Variants in ALMS1 observed in about 807,000 individuals in gnomAD.
ALMS1 encodes ALMS1 centrosome and basal body associated protein, also known as centrosome-associated protein ALMS1.
Under a neutral mutation model 352.2 loss-of-function variants are expected in ALMS1, and 271 were observed. The observed-to-expected ratio is 0.77, with a 90% CI of 0.70 to 0.85. ALMS1 has a LOEUF of 0.85. ALMS1 is among the 40% of genes least tolerant of loss of function. The pLI is 0.00. For synonymous variants in ALMS1, 1,865 were observed against 1,761.2 expected (o/e 1.06, Z -1.48); for missense variants, 5,445 against 4,870.7 (o/e 1.12, Z -3.51).
chr2:73,460,781 A>G (rs138975989), intron 9 of ALMS1, among the ~76,000 whole-genome samples: 2,076 of 152,354 alleles, frequency 0.014, 36 homozygotes, highest in Non-Finnish European at 0.019. Context: ...ACGGCACACC[A>G]GGAGATTATA....
At chr2:73,520,125 G>T in intron 11 of ALMS1, 109 bp downstream of exon 11, 1 of 1,372,872 alleles carries the variant, frequency 7.3e-7, no homozygotes, top group Non-Finnish European at 1.0e-6. Context: ...TTTAATTTAA[G>T]AATTAGGGTC....
chr2:73,419,404 T>C, intron 3 of ALMS1, 86 bp downstream of exon 3: 1 of 1,323,654 alleles, frequency 7.6e-7, no homozygotes, highest in Middle Eastern at 1.8e-4. Context: ...TTCCCCTTTT[T>C]GAGTTAAGGA....
At chr2:73,503,000 G>T (rs76550830) in intron 10 of ALMS1, among the ~76,000 whole-genome samples, 2,463 of 152,050 alleles carry the variant, frequency 0.016, 68 homozygotes, top group African/African-American at 0.056. Context: ...TTCTCCTATA[G>T]GACCACAATA....
At chr2:73,494,470 C>T (rs1410244606) in intron 10 of ALMS1, among the ~76,000 whole-genome samples, 1 of 152,098 alleles carries the variant, frequency 6.6e-6, no homozygotes, top group Admixed American at 6.6e-5. Flanking sequence ...TTGATTTCAC[C>T]AGGTTTTTCC....
intron 10 of ALMS1, among the ~76,000 whole-genome samples, chr2:73,499,301 G>A (rs1283471531): frequency 6.6e-6 from 1 of 152,120 alleles, no homozygotes; most frequent in Non-Finnish European, 1.5e-5. Context: ...TCTGTAGGTT[G>A]TCTTCTTCAC....
At position 73,448,481 on chromosome 2, in the gene ALMS1, C is replaced by G; in HGVS notation, c.1954C>G (p.Pro652Ala). ...AGAGCCTTTGGAAGTTTCAGCTGCT[C>G]CTGGCCCAGTGGAGCAGAAGACGGG... ...TEEPLEVSAAPGPVEQKTGIP... is the reference protein window; with the variant it reads ...TEEPLEVSAAAGPVEQKTGIP... The change falls in exon 8 of 23, where the codon CCT (proline) becomes GCT (alanine). Residue 652 changes from proline to alanine, a missense_variant. Coordinates refer to ENST00000613296, the MANE Select transcript of ALMS1 (RefSeq NM_001378454.1). 3 of 1,613,616 alleles carry G rather than the reference C, an allele frequency of 1.9e-6. No individual in the cohort carries two copies. The highest frequency in any genetic ancestry group is 2.5e-6 in the Non-Finnish European group (3 of 1,179,864).
chr2:73,557,385 T>G (rs888423837), intron 14 of ALMS1, 31 bp downstream of exon 14: 25 of 1,613,576 alleles, frequency 1.5e-5, no homozygotes, highest in Non-Finnish European at 2.0e-5. Context: ...GCGTATTATT[T>G]TCTTCTGGTC....
In ALMS1 at chr2:73,451,545, T is replaced by A; in HGVS notation, c.5018T>A (p.Ile1673Asn). The A allele has an allele frequency of 6.2e-7, 1 of 1,613,970 alleles. No homozygotes were observed. The highest frequency in any genetic ancestry group is 8.5e-7 in the Non-Finnish European group (1 of 1,179,964). Reference protein sequence around the residue: ...TSYSNRGKPVIFYQQTLSDSH... With the variant: ...TSYSNRGKPVNFYQQTLSDSH... ...TACTCAAATAGGGGGAAGCCTGTCA[T>A]TTTCTACCAGCAGACCCTATCAGAC... The change falls in exon 8 of 23, where the codon ATT (isoleucine) becomes AAT (asparagine). Residue 1673 changes from isoleucine (I) to asparagine (N), a missense_variant. Transcript: ENST00000613296.
At chr2:73,445,842 A>G (rs1305118888) in intron 7 of ALMS1, among the ~76,000 whole-genome samples, 1 of 152,090 alleles carries the variant, frequency 6.6e-6, no homozygotes, top group Non-Finnish European at 1.5e-5. Context: ...ACTCACCCCT[A>G]GTTCTGAAAA....
chr2:73,501,763 C>T (rs1393825269), intron 10 of ALMS1, among the ~76,000 whole-genome samples: 1 of 151,984 alleles, frequency 6.6e-6, no homozygotes, highest in Non-Finnish European at 1.5e-5. Flanking sequence ...ATTATTTTTG[C>T]TATTTCAAGT....
chr2:73,397,822 C>T (rs1670793505), intron 1 of ALMS1, among the ~76,000 whole-genome samples: 2 of 152,182 alleles, frequency 1.3e-5, no homozygotes, highest in South Asian at 4.1e-4. Flanking sequence ...ATGGGCAATA[C>T]AGAGTTCCCA....
chr2:73,609,903 A>G lies in ALMS1; in HGVS notation c.*291A>G, dbSNP rs1675902038. 1 of 395,130 alleles carries G rather than the reference A, an allele frequency of 2.5e-6. No individual in the cohort carries two copies. The highest frequency in any genetic ancestry group is 4.7e-6 in the Non-Finnish European group (1 of 212,366). 24.5% of individuals were successfully genotyped at this position (395,130 alleles called of 1,614,324 possible). On this transcript the variant is annotated 3_prime_UTR_variant, in exon 23 of 23. Coordinates refer to ENST00000613296, the MANE Select transcript of ALMS1 (RefSeq NM_001378454.1). Reference sequence around the variant, plus strand: ...GTGTTTTTATACTTTTAGAAAATAAAAACTTTAGATTAACTCATAGTAAAC... The same window carrying G: ...GTGTTTTTATACTTTTAGAAAATAAGAACTTTAGATTAACTCATAGTAAAC...
At chr2:73,524,878 C>T (rs1220382759) in intron 11 of ALMS1, among the ~76,000 whole-genome samples, 1 of 152,200 alleles carries the variant, frequency 6.6e-6, no homozygotes, top group Admixed American at 6.5e-5. Context: ...TCACTTCCCC[C>T]ACACTGCTCA....
intron 12 of ALMS1, among the ~76,000 whole-genome samples, chr2:73,538,557 C>T (rs537202966): frequency 2.0e-5 from 3 of 152,262 alleles, no homozygotes; most frequent in South Asian, 2.1e-4. Context: ...GGGTGCAGCA[C>T]ACCGAGCGTG....
At chr2:73,434,862 G>A (rs764171198) in intron 7 of ALMS1, among the ~76,000 whole-genome samples, 3 of 152,116 alleles carry the variant, frequency 2.0e-5, no homozygotes, top group East Asian at 1.9e-4. Context: ...GAAATGCAGT[G>A]CGTGGCTCAC....
At chr2:73,440,990 T>G (rs1228813173) in intron 7 of ALMS1, among the ~76,000 whole-genome samples, 1 of 152,196 alleles carries the variant, frequency 6.6e-6, no homozygotes, top group East Asian at 1.9e-4. Context: ...ACTCAGTCCC[T>G]GTTGGTGATG....
intron 9 of ALMS1, among the ~76,000 whole-genome samples, chr2:73,477,249 C>T (rs1015682568): frequency 6.6e-6 from 1 of 151,992 alleles, no homozygotes; most frequent in Non-Finnish European, 1.5e-5. Flanking sequence ...ACTCTTCTTT[C>T]CCTGTTGAAT....
chr2:73,428,857 C>T (rs1026956721), intron 6 of ALMS1, among the ~76,000 whole-genome samples: 4 of 152,152 alleles, frequency 2.6e-5, no homozygotes, highest in Non-Finnish European at 5.9e-5. Flanking sequence ...CTTGGTTTTT[C>T]CTTATGCTCC....
chr2:73,474,145 T>TG (rs545938479), intron 9 of ALMS1, among the ~76,000 whole-genome samples: 28 of 152,224 alleles, frequency 1.8e-4, no homozygotes, highest in African/African-American at 6.3e-4. Context: ...AACAGATTTT[T>TG]TTTTTAAATC....
Sources: allele counts gnomAD v4.1 joint callset (sites outside exome capture counted in the v4.1 genomes callset), GRCh38; gene constraint gnomAD v4.1.1; transcripts MANE v1.5; gene names NCBI Gene and HGNC (gene_info 2026-07-23, HGNC 2026-07-21).